Variants in L3HYPDH observed in about 807,000 individuals in gnomAD.
The protein encoded by L3HYPDH is trans-L-3-hydroxyproline dehydratase, also known as trans-3-hydroxy-L-proline dehydratase.
In L3HYPDH, 32 loss-of-function variants were observed where a neutral mutation model predicts 26.5. The observed-to-expected ratio is 1.21, with a 90% CI of 0.91 to 1.62. The LOEUF (loss-of-function observed/expected upper bound fraction) is 1.62, where lower values mean the gene tolerates loss of function less well. Among genes scored for constraint, L3HYPDH ranks in the 40% most tolerant of loss-of-function variants. The pLI is 0.00. For missense variants in L3HYPDH, 554 were observed against 476.4 expected (o/e 1.16, Z -1.52); for synonymous variants, 215 against 196.6 (o/e 1.09, Z -0.78).
intron 1 of L3HYPDH, 195 bp downstream of exon 1, chr14:59,483,614 C>T: frequency 7.0e-7 from 1 of 1,434,622 alleles, no homozygotes. Context: ...GGATGGGAGT[C>T]AGGGAAAATC....
chr14:59,473,140 T>C (rs1323356029), intron 4 of L3HYPDH, 50 bp from the exon 5 acceptor site: 3 of 1,521,608 alleles, frequency 2.0e-6, no homozygotes, highest in Non-Finnish European at 2.6e-6. Flanking sequence ...ACTCGTATTA[T>C]ATCTGGCTTG....
chr14:59,502,196 G>A, the L3HYPDH span, among the ~76,000 whole-genome samples: 1 of 152,102 alleles, frequency 6.6e-6, no homozygotes, highest in Admixed American at 6.6e-5. Context: ...ATTAGTAACT[G>A]TTATACATAT....
At chr14:59,484,962 TTGTC>T, upstream of L3HYPDH, 1 of 1,530,926 alleles carries the variant, frequency 6.5e-7, no homozygotes. Flanking sequence ...GCTGCATAAT[TTGTC>T]TACTGCTTCA....
chr14:59,499,102 C>T, the L3HYPDH span, among the ~76,000 whole-genome samples: 1 of 140,664 alleles, frequency 7.1e-6, no homozygotes, highest in African/African-American at 2.7e-5. Flanking sequence ...CGGTTCACTG[C>T]AACCTCCGCC....
Position 59,484,075 on chromosome 14 carries a change from A to G in L3HYPDH, c.242T>C (p.Val81Ala), listed in dbSNP as rs1199461946. The G allele has an allele frequency of 1.9e-6, 3 of 1,607,088 alleles. No homozygotes were observed. The South Asian group carries it at 3.3e-5, about 18-fold the overall frequency. Reference protein sequence around the residue: ...GHRDMYGAVLVPSELPDAHLG... With the variant: ...GHRDMYGAVLAPSELPDAHLG... ...ATGCGCGTCCGGCAGCTCGCTCGGGACTAGGACCGCCCCGTACATGTCCCG... is the reference window on the plus strand; with the variant it reads ...ATGCGCGTCCGGCAGCTCGCTCGGGGCTAGGACCGCCCCGTACATGTCCCG... The change falls in exon 1 of 5, where the codon GTC (valine) becomes GCC (alanine). Residue 81 changes from valine to alanine, a missense_variant. Transcript: ENST00000247194.
chr14:59,471,965 A>G (rs1889323830), downstream of L3HYPDH, among the ~76,000 whole-genome samples: 1 of 152,226 alleles, frequency 6.6e-6, no homozygotes, highest in African/African-American at 2.4e-5. Flanking sequence ...TCAGGTAATT[A>G]AATCACAGAC....
chr14:59,478,404 AAC>A (rs141101470), intron 2 of L3HYPDH, among the ~76,000 whole-genome samples: 1 of 151,650 alleles, frequency 6.6e-6, no homozygotes, highest in Non-Finnish European at 1.5e-5. Flanking sequence ...TCTCTATATA[AAC>A]ACACACACAC....
chr14:59,503,924 A>G, the L3HYPDH span: 3 of 1,613,704 alleles, frequency 1.9e-6, no homozygotes, highest in East Asian at 2.2e-5. Context: ...CTTCATGCCT[A>G]TGGAATAATC....
At position 59,484,359 on chromosome 14, in the gene L3HYPDH, T is replaced by G. The variant is rs538966664; in HGVS notation, c.-43A>C. The G allele has an allele frequency of 1.4e-5, 21 of 1,538,002 alleles. No homozygotes were observed. In the Admixed American group the frequency reaches 2.2e-4, roughly 16 times the overall value. On this transcript the variant is annotated 5_prime_UTR_variant, in exon 1 of 5. Transcript: ENST00000247194. Reference sequence around the variant, plus strand: ...ACGAGTACGGTCCCGCAGCTATGGCTTCAAGCCCGACCCTCACCCACTGAC... The same window carrying G: ...ACGAGTACGGTCCCGCAGCTATGGCGTCAAGCCCGACCCTCACCCACTGAC...
At chr14:59,477,331 C>CT (rs1302360561) in intron 2 of L3HYPDH, among the ~76,000 whole-genome samples, 3 of 152,218 alleles carry the variant, frequency 2.0e-5, no homozygotes, top group Non-Finnish European at 4.4e-5. Context: ...TTTATATTAA[C>CT]TTTAACTCTC....
rs770331229 is a variant in L3HYPDH at position 59,484,281 on chromosome 14, C to A, written c.36G>T (p.Pro12=). 5 of 1,592,626 alleles carry A rather than the reference C, an allele frequency of 3.1e-6. No homozygotes were observed. The Admixed American group carries it at 5.0e-5, about 16-fold the overall frequency. ...ACAGCACCGGCGTCCCTGGATCATG[C>A]GGGGGCAGCCGGGGCACCGCCAGCG... The part of the protein sequence containing the change: ...ESALAVPRLP[P]HDPGTPVLSV... The change falls in exon 1 of 5, where the codon CCG becomes CCT. Residue 12 remains proline (P), a synonymous_variant. Coordinates refer to ENST00000247194, the MANE Select transcript of L3HYPDH (RefSeq NM_144581.2).
chr14:59,485,374 G>A, upstream of L3HYPDH: 1 of 367,588 alleles, frequency 2.7e-6, no homozygotes, highest in Non-Finnish European at 4.8e-6. Flanking sequence ...AGGCCAGTGG[G>A]TTTAAAAAGC....
upstream of L3HYPDH, among the ~76,000 whole-genome samples, chr14:59,488,678 G>T (rs1432230090): frequency 6.6e-6 from 1 of 152,164 alleles, no homozygotes; most frequent in East Asian, 1.9e-4. Context: ...GCTGGGAATG[G>T]GAAGTCAAAT....
chr14:59,483,565 C>T, intron 1 of L3HYPDH: 1 of 1,415,192 alleles, frequency 7.1e-7, no homozygotes, highest in Non-Finnish European at 9.2e-7. Context: ...GGGTAACACG[C>T]AATTCCTCGC....
chr14:59,475,587 C>T (rs988299459), intron 4 of L3HYPDH, among the ~76,000 whole-genome samples: 7 of 152,240 alleles, frequency 4.6e-5, no homozygotes, highest in Admixed American at 1.3e-4. Flanking sequence ...TCTGAAGAAC[C>T]CCACTGTACA....
At chr14:59,475,483 C>A (rs1340993454) in intron 4 of L3HYPDH, among the ~76,000 whole-genome samples, 1 of 152,076 alleles carries the variant, frequency 6.6e-6, no homozygotes, top group Non-Finnish European at 1.5e-5. Flanking sequence ...TTTTTGCAAA[C>A]CTGTTTCATG....
chr14:59,473,027 C>G lies in L3HYPDH; in HGVS notation c.1003G>C (p.Gly335Arg), dbSNP rs1436048236. ...VEVSGQAHYT[G>R]TASFIIEDDD... The stretch of plus-strand genomic sequence containing the variant: ...TCTTCTATTATAAAGCTTGCTGTAC[C>G]CGTGTAATGGGCTTGTCCTGATACT... The change falls in exon 5 of 5, where the codon GGT (glycine) becomes CGT (arginine). Residue 335 changes from glycine (G) to arginine (R), a missense_variant. Physicochemically the swap from Gly to Arg is moderately radical, Grantham distance 125 (BLOSUM62 -2). Coordinates refer to ENST00000247194, the MANE Select transcript of L3HYPDH (RefSeq NM_144581.2). 1.2e-6 allele frequency: 2 copies of G among 1,608,826 alleles called. No homozygotes were observed. The highest frequency in any genetic ancestry group is 1.7e-6 in the Non-Finnish European group (2 of 1,177,912).
downstream of L3HYPDH, among the ~76,000 whole-genome samples, chr14:59,470,612 C>A (rs1889285084): frequency 6.6e-6 from 1 of 152,118 alleles, no homozygotes; most frequent in East Asian, 1.9e-4. Flanking sequence ...CACCAAGGGA[C>A]TAGAGTTGCC....
intron 1 of L3HYPDH, among the ~76,000 whole-genome samples, chr14:59,483,146 T>C (rs1890161021): frequency 6.6e-6 from 1 of 152,214 alleles, no homozygotes; most frequent in African/African-American, 2.4e-5. Context: ...TACTCTCATT[T>C]AATCCTAACA....
Sources: gnomAD v4.1 joint callset for allele counts (sites outside exome capture counted in the v4.1 genomes callset) on GRCh38, gnomAD v4.1.1 for gene constraint, MANE v1.5 for transcripts, NCBI Gene and HGNC (gene_info 2026-07-23, HGNC 2026-07-21) for gene names.